The following ADGRL1 variants were observed in gnomAD, a reference collection of about 807,000 sequenced individuals.
The protein encoded by ADGRL1 is adhesion G protein-coupled receptor L1.
A neutral mutation model predicts 148.9 loss-of-function variants in ADGRL1; 31 were observed. The ratio of observed to expected loss-of-function variants is 0.21; its 90% CI spans 0.16 to 0.28. The LOEUF is 0.28. Ranked by LOEUF, ADGRL1 falls within the 10% of genes least tolerant of loss-of-function variation. The pLI is 1.00. For synonymous variants in ADGRL1, 937 were observed against 900.3 expected, an observed-to-expected ratio of 1.04 and a Z score of -0.73; for missense variants, 1,521 against 2,058.8, an observed-to-expected ratio of 0.74 and a Z score of 5.05.
intron 1 of ADGRL1, among the ~76,000 whole-genome samples, chr19:14,196,124 C>G (rs1972244368): frequency 6.6e-6 from 1 of 152,248 alleles, no homozygotes; most frequent in African/African-American, 2.4e-5. Context: ...GTCTCCCTAT[C>G]TATCTGCCAC....
At chr19:14,196,350 G>A (rs370045087) in intron 1 of ADGRL1, among the ~76,000 whole-genome samples, 1 of 152,188 alleles carries the variant, frequency 6.6e-6, no homozygotes, top group Non-Finnish European at 1.5e-5. Context: ...CGGATGTGGC[G>A]GCGCACACCT....
intron 1 of ADGRL1, among the ~76,000 whole-genome samples, chr19:14,197,359 C>A (rs557280643): frequency 6.6e-6 from 1 of 152,074 alleles, no homozygotes. Context: ...TCCCTGCCCC[C>A]GCCCCCAACA....
intron 3 of ADGRL1, 30 bp from the exon 4 acceptor site, chr19:14,170,821 G>C: frequency 1.6e-5 from 13 of 800,810 alleles, no homozygotes; most frequent in Non-Finnish European, 2.3e-5. Context: ...CATTGGGAAA[G>C]AAACACATAG....
At chr19:14,179,911 T>C (rs1332112210) in intron 2 of ADGRL1, among the ~76,000 whole-genome samples, 1 of 152,046 alleles carries the variant, frequency 6.6e-6, no homozygotes, top group African/African-American at 2.4e-5. Context: ...CAAAGACACA[T>C]GGTCTCTGGT....
intron 1 of ADGRL1, among the ~76,000 whole-genome samples, chr19:14,191,694 CTCT>C (rs1222176421): frequency 2.0e-5 from 3 of 148,048 alleles, no homozygotes; most frequent in African/African-American, 7.5e-5. Context: ...TGCTGTCTCT[CTCT>C]TTTTTTTTTT....
chr19:14,201,962 G>T (rs1431866770), intron 1 of ADGRL1, among the ~76,000 whole-genome samples: 1 of 152,158 alleles, frequency 6.6e-6, no homozygotes, highest in Non-Finnish European at 1.5e-5. Context: ...AAACGTTACT[G>T]GGGAGGTGAT....
At chr19:14,156,901 C>T in intron 15 of ADGRL1, 24 bp downstream of exon 15, 1 of 1,603,674 alleles carries the variant, frequency 6.2e-7, no homozygotes. Flanking sequence ...TGGGAGGGTG[C>T]AGGGCTGGGA....
At chr19:14,184,535 G>A (rs1009237589) in intron 1 of ADGRL1, among the ~76,000 whole-genome samples, 4 of 151,218 alleles carry the variant, frequency 2.6e-5, no homozygotes, top group Non-Finnish European at 5.9e-5. Flanking sequence ...CAGACTCAAG[G>A]AATCCTCCCA....
rs1339781634 is a variant in ADGRL1 at position 14,160,934 on chromosome 19, C to T, written c.1511-238G>A. 1.3e-5 allele frequency among the ~76,000 whole-genome samples: 2 copies of T among 152,154 alleles called. No individual in the cohort carries two copies. Among genetic ancestry groups the T allele is most frequent in the Non-Finnish European group, 2.9e-5 (2 of 68,010 alleles). On this transcript the variant is annotated intron_variant, in intron 6 of 22. Transcript: ENST00000361434. The surrounding 1 kb of genome is among the most constrained non-coding windows in gnomAD (Gnocchi z 5.9). ...CTTTGCCTCCAGAGTTAGAACCTTC[C>T]AGCAAGGCCCATCTTGAACGCCCCC...
chr19:14,191,374 A>G (rs1971928115), intron 1 of ADGRL1: 2 of 456,538 alleles, frequency 4.4e-6, no homozygotes, highest in African/African-American at 4.0e-5. Flanking sequence ...TAAAACGGGG[A>G]TACCTCAGAG....
Position 14,151,370 on chromosome 19 carries a change from C to A in ADGRL1, c.3913G>T (p.Val1305Leu). Residue 1305 changes from valine to leucine, a missense_variant, in exon 23 of 23, where the codon GTG becomes TTG. By Grantham distance (32) the Val-to-Leu change is conservative. Around this residue, in one of 8 missense-constraint regions of ADGRL1, gnomAD observed 390 missense variants for 375.0 expected, o/e 1.04. Coordinates refer to ENST00000361434, the MANE Select transcript of ADGRL1 (RefSeq NM_014921.5). The stretch of plus-strand genomic sequence containing the variant: ...CCCCCGCCCCCTGGCACAGGTGGCA[C>A]AGGGGGCTCAGGCGGTGGAGGGCCC... ...AKGPPPPEPP[V>L]PPVPGGGGEE... The A allele has an allele frequency of 6.2e-7, 1 of 1,601,718 alleles. No individual in the cohort carries two copies. Among genetic ancestry groups the A allele is most frequent in the Admixed American group, 1.7e-5 (1 of 57,728 alleles).
chr19:14,157,873 C>T lies in ADGRL1; in HGVS notation c.2535+9G>A, dbSNP rs76576638. The T allele has an allele frequency of 0.017, 26,749 of 1,613,436 alleles. 276 individuals carry two copies. The highest frequency in any genetic ancestry group is 0.02 in the Non-Finnish European group (23,229 of 1,179,780). ...CCTGCCTGGAGGAGCAGAGCACCAGCCAGCTTACGATCTCACGGTGAGCCA... is the reference window on the plus strand; with the variant it reads ...CCTGCCTGGAGGAGCAGAGCACCAGTCAGCTTACGATCTCACGGTGAGCCA... On this transcript the variant is annotated intron_variant, in intron 13 of 22. Transcript: ENST00000361434. The surrounding 1 kb of genome is among the most constrained non-coding windows in gnomAD (Gnocchi z 7.5).
intron 4 of ADGRL1, among the ~76,000 whole-genome samples, chr19:14,166,227 C>T (rs1489106025): frequency 7.0e-6 from 1 of 141,876 alleles, no homozygotes. Context: ...AACCACGAGG[C>T]CCGCCCCCGC....
At chr19:14,175,278 CAAAG>C (rs1970741527) in intron 3 of ADGRL1, among the ~76,000 whole-genome samples, 1 of 152,078 alleles carries the variant, frequency 6.6e-6, no homozygotes, top group Non-Finnish European at 1.5e-5. Flanking sequence ...ACAAACAACT[CAAAG>C]AAATACAAAT....
intron 3 of ADGRL1, among the ~76,000 whole-genome samples, chr19:14,175,610 ACACT>A (rs1432586121): frequency 2.0e-5 from 3 of 151,898 alleles, no homozygotes; most frequent in South Asian, 2.1e-4. Flanking sequence ...TCATACAGAC[ACACT>A]CAGACACACT....
At chr19:14,203,590 C>T (rs1484922066) in intron 1 of ADGRL1, among the ~76,000 whole-genome samples, 1 of 152,170 alleles carries the variant, frequency 6.6e-6, no homozygotes, top group East Asian at 1.9e-4. Context: ...GCAGCTGAGG[C>T]GCCTGTAGGC....
chr19:14,183,629 C>T lies in ADGRL1; in HGVS notation c.-27G>A, dbSNP rs1231793627. 2.6e-6 allele frequency: 4 copies of T among 1,552,498 alleles called. No homozygotes were observed. The highest frequency in any genetic ancestry group is 3.5e-6 in the Non-Finnish European group (4 of 1,146,086). ...GTGGCAGCCGGGTGCGTGTCCGGAG[C>T]TCTCAGTGGCCTGTGCGGGGGGCTT... is the stretch of plus-strand genomic sequence containing the variant. On this transcript the variant is annotated 5_prime_UTR_variant, in exon 2 of 23. Coordinates refer to ENST00000361434, the MANE Select transcript of ADGRL1 (RefSeq NM_014921.5).
At position 14,161,608 on chromosome 19, in the gene ADGRL1, G is replaced by C. The variant is rs202201790; in HGVS notation, c.1214C>G (p.Pro405Arg). 3.6e-5 allele frequency: 51 copies of C among 1,423,320 alleles called. No individual in the cohort carries two copies. Among genetic ancestry groups the C allele is most frequent in the Non-Finnish European group, 4.2e-5 (46 of 1,093,822 alleles). The allele number at this position is 1,423,320 out of a possible 1,614,324, so 88.2% of individuals were successfully genotyped here. ...CCTGGCTGTGGTGGTCGTGCTGAGG[G>C]GTGGGGAAGTGGCTGGGCCTGGAGA... ...DPSAGPATSP[P>R]LSTTTTARPT... The change falls in exon 6 of 23, where the codon CCC becomes CGC. Residue 405 changes from proline (P) to arginine (R), a missense_variant. Coordinates refer to ENST00000361434, the MANE Select transcript of ADGRL1 (RefSeq NM_014921.5). The surrounding 1 kb of genome is among the most constrained non-coding windows in gnomAD (Gnocchi z 4.4).
Position 14,158,337 on chromosome 19 carries a change from C to A in ADGRL1, c.2364+1G>T. ...GGAGGGAGGGGGACGGCTCAGCTCA[C>A]CTCCAGGTGGGCCACGGTGAAGATG... On this transcript the variant is annotated splice_donor_variant, in intron 12 of 22. Coordinates refer to ENST00000361434, the MANE Select transcript of ADGRL1 (RefSeq NM_014921.5). LOFTEE classifies it high-confidence loss of function. The A allele has an allele frequency of 6.2e-7, 1 of 1,613,318 alleles. No homozygotes were observed. Among genetic ancestry groups the A allele is most frequent in the Non-Finnish European group, 8.5e-7 (1 of 1,179,962 alleles).
Sources: allele counts gnomAD v4.1 joint callset (sites outside exome capture counted in the v4.1 genomes callset), GRCh38; gene constraint gnomAD v4.1.1; regional missense constraint gnomAD v4.1.1; non-coding constraint Gnocchi (gnomAD v3.1); transcripts MANE v1.5; gene names NCBI Gene and HGNC (gene_info 2026-07-23, HGNC 2026-07-21).